THSD7B: variants seen among roughly 807,000 people sequenced by gnomAD.
THSD7B encodes thrombospondin type 1 domain containing 7B, also known as thrombospondin type-1 domain-containing protein 7B.
In THSD7B, 138 loss-of-function variants were observed where a neutral mutation model predicts 213.6. That is an observed-to-expected ratio of 0.65 (90% confidence interval 0.56 to 0.74). The LOEUF (loss-of-function observed/expected upper bound fraction) is 0.74. Among genes scored for constraint, THSD7B ranks in the 30% least tolerant of loss-of-function variants. THSD7B has a pLI of 0.00. For missense variants in THSD7B, 1,931 were observed against 1,991.5 expected (o/e 0.97, Z 0.58); for synonymous variants, 742 against 687.0 (o/e 1.08, Z -1.25).
chr2:137,486,671 C>T lies in THSD7B; in HGVS notation c.3138+35648C>T, dbSNP rs559864507. 2.1e-3 allele frequency among the ~76,000 whole-genome samples: 315 copies of T among 151,994 alleles called. 2 individuals carry two copies. The highest frequency in any genetic ancestry group is 7.4e-3 in the African/African-American group (306 of 41,442). On this transcript the variant is annotated intron_variant, in intron 15 of 27. Coordinates refer to ENST00000409968, the MANE Select transcript of THSD7B (RefSeq NM_001316349.2). ...ATAGACATCTACAGAACTCTCCACC[C>T]CAAATCAACAGAATATACATTTTTG...
intron 2 of THSD7B, among the ~76,000 whole-genome samples, chr2:136,946,528 GTGA>G (rs34919743): frequency 0.19 from 28,893 of 152,080 alleles, 2,884 homozygotes; most frequent in African/African-American, 0.25. Flanking sequence ...CTGTCAGACA[GTGA>G]TGTTTAAGTC....
chr2:136,962,970 A>G (rs1408995971), intron 2 of THSD7B, among the ~76,000 whole-genome samples: 2 of 152,198 alleles, frequency 1.3e-5, no homozygotes, highest in African/African-American at 4.8e-5. Context: ...TTGTTTAGAC[A>G]AGAGGATTAA....
intron 15 of THSD7B, among the ~76,000 whole-genome samples, chr2:137,562,599 T>TGTGC (rs1193511906): frequency 4.5e-5 from 6 of 132,392 alleles, no homozygotes; most frequent in African/African-American, 6.5e-5. Context: ...TCTCTTTGTG[T>TGTGC]GTGTGTGTGT....
intron 9 of THSD7B, among the ~76,000 whole-genome samples, chr2:137,238,539 T>TTTC (rs1681821508): frequency 9.7e-6 from 1 of 102,664 alleles, no homozygotes. Flanking sequence ...TCTTTCTTTT[T>TTTC]TTTTTTTTTT....
At chr2:136,996,075 G>A (rs146367200) in intron 2 of THSD7B, among the ~76,000 whole-genome samples, 179 of 152,074 alleles carry the variant, frequency 1.2e-3, no homozygotes, top group Middle Eastern at 6.8e-3. Context: ...ATTTAAAGAT[G>A]TAATAGTGTT....
chr2:137,659,170 A>T (rs4589814), intron 24 of THSD7B, among the ~76,000 whole-genome samples: 13,004 of 151,724 alleles, frequency 0.086, 640 homozygotes, highest in Middle Eastern at 0.16. Flanking sequence ...ACTTACATTT[A>T]AAAATACTAC....
At chr2:137,449,683 T>A (rs1014022509) in intron 14 of THSD7B, among the ~76,000 whole-genome samples, 3 of 152,216 alleles carry the variant, frequency 2.0e-5, no homozygotes, top group Non-Finnish European at 2.9e-5. Context: ...CATGTGACCA[T>A]GCCATCAGCA....
At chr2:137,080,168 ATGTGTG>A (rs36115074) in intron 3 of THSD7B, among the ~76,000 whole-genome samples, 1 of 148,318 alleles carries the variant, frequency 6.7e-6, no homozygotes, top group South Asian at 2.2e-4. Flanking sequence ...ATGTAAATAT[ATGTGTG>A]TGTGTGTGTG....
intron 15 of THSD7B, among the ~76,000 whole-genome samples, chr2:137,495,147 A>G (rs1008053157): frequency 3.3e-5 from 5 of 152,258 alleles, no homozygotes; most frequent in African/African-American, 1.2e-4. Flanking sequence ...ATTTCAGCCA[A>G]TTTGGATTAT....
chr2:136,909,673 T>C (rs900464897), intron 2 of THSD7B, among the ~76,000 whole-genome samples: 6 of 152,154 alleles, frequency 3.9e-5, no homozygotes, highest in Non-Finnish European at 8.8e-5. Context: ...CAAAACCATA[T>C]TGGAAATAAG....
intron 2 of THSD7B, among the ~76,000 whole-genome samples, chr2:136,983,255 C>T (rs1036371015): frequency 6.6e-6 from 1 of 151,930 alleles, no homozygotes; most frequent in Non-Finnish European, 1.5e-5. Context: ...ATCAACTGAA[C>T]TGTAAGCTTA....
intron 2 of THSD7B, among the ~76,000 whole-genome samples, chr2:136,907,854 T>C (rs1684191445): frequency 6.6e-6 from 1 of 152,184 alleles, no homozygotes; most frequent in Non-Finnish European, 1.5e-5. Flanking sequence ...AGCTGGAAAA[T>C]AAATGTCACC....
chr2:137,058,313 A>T (rs1687206100), intron 3 of THSD7B, among the ~76,000 whole-genome samples: 1 of 152,212 alleles, frequency 6.6e-6, no homozygotes, highest in African/African-American at 2.4e-5. Flanking sequence ...CAGATTAAGC[A>T]AAAGATTCAT....
chr2:137,207,539 A>C (rs1681012208), intron 7 of THSD7B, among the ~76,000 whole-genome samples: 2 of 152,096 alleles, frequency 1.3e-5, no homozygotes, highest in South Asian at 4.1e-4. Context: ...TGCAAGAAGA[A>C]GACCCTATCG....
intron 9 of THSD7B, among the ~76,000 whole-genome samples, chr2:137,240,823 G>A (rs991213837): frequency 6.6e-6 from 1 of 152,138 alleles, no homozygotes; most frequent in East Asian, 1.9e-4. Flanking sequence ...CTTTGTGTTT[G>A]AAATTTGGAC....
At chr2:137,586,394 A>G in intron 17 of THSD7B, among the ~76,000 whole-genome samples, 1 of 152,028 alleles carries the variant, frequency 6.6e-6, no homozygotes, top group Non-Finnish European at 1.5e-5. Context: ...CTAGCTGGTT[A>G]TTTTGCCCAT....
At chr2:137,370,112 G>A (rs1685510694) in intron 12 of THSD7B, among the ~76,000 whole-genome samples, 1 of 151,852 alleles carries the variant, frequency 6.6e-6, no homozygotes, top group African/African-American at 2.4e-5. Flanking sequence ...AAATTGGACA[G>A]GCTTTGCCTA....
intron 3 of THSD7B, among the ~76,000 whole-genome samples, chr2:137,073,317 C>T (rs1469987125): frequency 1.3e-5 from 2 of 152,184 alleles, no homozygotes; most frequent in African/African-American, 2.4e-5. Context: ...TCAGCTTCTT[C>T]CTGGTTTAGT....
rs1345433032 is a variant in THSD7B at position 137,451,006 on chromosome 2, C to T, written c.3121C>T (p.Leu1041=). Residue 1041 remains leucine, a synonymous_variant, in exon 15 of 28, where the codon CTG becomes TTG. Transcript: ENST00000409968. ...CAATGGAGGACGACCATGTCCCAAA[C>T]TGGATCTCAAGAATCAGGTAAAGTG... ...PYNGGRPCPK[L]DLKNQVHEAV... 3.1e-6 allele frequency: 5 copies of T among 1,599,282 alleles called. No individual in the cohort carries two copies. In the South Asian group the frequency reaches 4.5e-5, roughly 14 times the overall value.
Sources: allele counts gnomAD v4.1 joint callset (sites outside exome capture counted in the v4.1 genomes callset), GRCh38; gene constraint gnomAD v4.1.1; transcripts MANE v1.5; gene names NCBI Gene and HGNC (gene_info 2026-07-23, HGNC 2026-07-21).